The following MBNL1 variants were observed in gnomAD, a reference collection of about 807,000 sequenced individuals.
The protein encoded by MBNL1 is muscleblind-like protein 1.
In MBNL1, 8 loss-of-function variants were observed where a neutral mutation model predicts 42.2. The ratio of observed to expected loss-of-function variants is 0.19; its 90% CI spans 0.11 to 0.34. The LOEUF (loss-of-function observed/expected upper bound fraction) is 0.34, where lower values mean the gene tolerates loss of function less well. Among genes scored for constraint, MBNL1 ranks in the 10% least tolerant of loss-of-function variants. The pLI is 1.00. For missense variants in MBNL1, 309 were observed against 495.3 expected, an observed-to-expected ratio of 0.62 and a Z score of 3.57; for synonymous variants, 169 against 173.9, an observed-to-expected ratio of 0.97 and a Z score of 0.22.
intron 2 of MBNL1, among the ~76,000 whole-genome samples, chr3:152,246,967 G>A (rs385685): frequency 0.66 from 100,847 of 151,896 alleles, 33,540 homozygotes; most frequent in African/African-American, 0.72. Flanking sequence ...ACAAATAAAC[G>A]TATATTATTT....
At chr3:152,420,885 G>A (rs2098794187) in intron 3 of MBNL1, among the ~76,000 whole-genome samples, 1 of 152,156 alleles carries the variant, frequency 6.6e-6, no homozygotes, top group African/African-American at 2.4e-5. Context: ...AAGATTACAG[G>A]AACTGCTAAC....
rs1749730464 is a variant in MBNL1 at position 152,465,029 on chromosome 3, T to C, written c.*2663T>C. On this transcript the variant is annotated 3_prime_UTR_variant, in exon 10 of 10. Coordinates refer to ENST00000324210, the MANE Select transcript of MBNL1 (RefSeq NM_021038.5). ...CAGCTTGTAGTTTGCCAGGATTTTTTCAGCTGGAAAGATACGCCATCCTTT... is the reference window on the plus strand; with the variant it reads ...CAGCTTGTAGTTTGCCAGGATTTTTCCAGCTGGAAAGATACGCCATCCTTT... The C allele has an allele frequency of 6.6e-6, 1 of 152,600 alleles. No individual in the cohort carries two copies. The highest frequency in any genetic ancestry group is 1.5e-5 in the Non-Finnish European group (1 of 68,034). 9.5% of individuals were successfully genotyped at this position (152,600 alleles called of 1,614,324 possible).
chr3:152,342,531 G>A (rs1470484420), intron 2 of MBNL1, among the ~76,000 whole-genome samples: 1 of 145,486 alleles, frequency 6.9e-6, no homozygotes, highest in Non-Finnish European at 1.5e-5. Context: ...GCCCAACTCT[G>A]TCTTACTGGG....
chr3:152,277,010 A>G (rs936799501), intron 1 of MBNL1, among the ~76,000 whole-genome samples: 2 of 152,190 alleles, frequency 1.3e-5, no homozygotes, highest in Non-Finnish European at 2.9e-5. Context: ...CAATGGGGGT[A>G]TTAACAATTA....
At chr3:152,305,830 T>C (rs1264938229) in intron 2 of MBNL1, among the ~76,000 whole-genome samples, 1 of 152,256 alleles carries the variant, frequency 6.6e-6, no homozygotes, top group East Asian at 1.9e-4. Flanking sequence ...ACAGAGTTTT[T>C]ATTTAATACT....
At chr3:152,419,680 AGTTTTTTT>A (rs1200058251) in intron 3 of MBNL1, among the ~76,000 whole-genome samples, 49 of 116,736 alleles carry the variant, frequency 4.2e-4, no homozygotes, top group African/African-American at 1.5e-3. Flanking sequence ...TGGCTGCAGG[AGTTTTTTT>A]GTTTGTTTGT....
At chr3:152,296,546 G>A (rs1560033962) in intron 1 of MBNL1, among the ~76,000 whole-genome samples, 1 of 152,176 alleles carries the variant, frequency 6.6e-6, no homozygotes, top group Non-Finnish European at 1.5e-5. Context: ...TGGAGAAAGA[G>A]TAATGAAGTT....
intron 3 of MBNL1, among the ~76,000 whole-genome samples, chr3:152,430,530 T>C (rs898737121): frequency 6.6e-6 from 1 of 152,242 alleles, no homozygotes; most frequent in Admixed American, 6.5e-5. Context: ...AAATGACTAA[T>C]ATAGAAATTA....
chr3:152,427,740 A>G (rs929731857), intron 3 of MBNL1, among the ~76,000 whole-genome samples: 1 of 151,058 alleles, frequency 6.6e-6, no homozygotes, highest in Non-Finnish European at 1.5e-5. Flanking sequence ...TATTAAAAAC[A>G]TTTTTAAAAT....
chr3:152,282,763 A>G (rs1004744337), intron 1 of MBNL1, among the ~76,000 whole-genome samples: 2 of 152,214 alleles, frequency 1.3e-5, no homozygotes, highest in Non-Finnish European at 2.9e-5. Context: ...TAGATTTACT[A>G]TGCACGAAGG....
intron 2 of MBNL1, among the ~76,000 whole-genome samples, chr3:152,377,304 G>A (rs1025499651): frequency 2.0e-5 from 3 of 152,110 alleles, no homozygotes; most frequent in Non-Finnish European, 2.9e-5. Context: ...ACTACCTACT[G>A]CTGTCCTCTA....
chr3:152,416,156 C>G (rs1047188600), intron 3 of MBNL1, among the ~76,000 whole-genome samples: 1 of 151,980 alleles, frequency 6.6e-6, no homozygotes, highest in Non-Finnish European at 1.5e-5. Context: ...AATTATTATT[C>G]TCTTTTAGAA....
intron 2 of MBNL1, among the ~76,000 whole-genome samples, chr3:152,387,554 C>T (rs987600444): frequency 1.3e-5 from 2 of 152,110 alleles, no homozygotes; most frequent in Admixed American, 6.6e-5. Context: ...TTATTTTTCA[C>T]TGTTGCATAA....
chr3:152,286,899 CAT>C (rs1246079217), intron 1 of MBNL1, among the ~76,000 whole-genome samples: 2 of 152,092 alleles, frequency 1.3e-5, no homozygotes, highest in Non-Finnish European at 2.9e-5. Context: ...AGAACTAAAA[CAT>C]AAATGGTTTG....
At position 152,434,041 on chromosome 3, in the gene MBNL1, G is replaced by A. The variant is rs570505054; in HGVS notation, c.549+1121G>A. ...TCCTCTTTTCCCTGGTGAGGATGAG[G>A]CAATATATTTTTTTAACTTGCATTT... On this transcript the variant is annotated intron_variant, in intron 4 of 9. Coordinates refer to ENST00000324210, the MANE Select transcript of MBNL1 (RefSeq NM_021038.5). Among the ~76,000 whole-genome samples, 21 of 152,266 alleles carry A rather than the reference G, an allele frequency of 1.4e-4. No homozygotes were observed. The South Asian group carries it at 1.7e-3, about 12-fold the overall frequency.
intron 2 of MBNL1, among the ~76,000 whole-genome samples, chr3:152,303,706 A>G (rs932020189): frequency 6.6e-6 from 1 of 152,050 alleles, no homozygotes; most frequent in African/African-American, 2.4e-5. Flanking sequence ...GTATTTTAAT[A>G]TTTGCCAAGT....
At chr3:152,402,889 G>A (rs2098286798) in intron 2 of MBNL1, among the ~76,000 whole-genome samples, 1 of 152,128 alleles carries the variant, frequency 6.6e-6, no homozygotes, top group Admixed American at 6.5e-5. Flanking sequence ...TATAGACTGT[G>A]GGCATGAGCC....
intron 2 of MBNL1, among the ~76,000 whole-genome samples, chr3:152,379,856 T>C (rs2097104631): frequency 6.6e-6 from 1 of 152,100 alleles, no homozygotes; most frequent in Non-Finnish European, 1.5e-5. Flanking sequence ...TGGAATGAGA[T>C]AGACTAATTT....
At chr3:152,324,631 C>T (rs539429987) in intron 2 of MBNL1, among the ~76,000 whole-genome samples, 15 of 152,054 alleles carry the variant, frequency 9.9e-5, no homozygotes, top group African/African-American at 2.9e-4. Context: ...TGTTCTTTTT[C>T]GTTTTTTAAA....
Sources: gnomAD v4.1 joint callset for allele counts (sites outside exome capture counted in the v4.1 genomes callset) on GRCh38, gnomAD v4.1.1 for gene constraint, MANE v1.5 for transcripts, NCBI Gene and HGNC (gene_info 2026-07-23, HGNC 2026-07-21) for gene names.